Variants in RNF8 observed in about 807,000 individuals in gnomAD.
RNF8 encodes ring finger protein 8, also known as E3 ubiquitin-protein ligase RNF8.
RNF8 carries 8 observed loss-of-function variants against 59.3 expected under a neutral mutation model. That is an observed-to-expected ratio of 0.13 (90% CI 0.08 to 0.24). RNF8 has a LOEUF of 0.24. Among genes scored for constraint, RNF8 ranks in the 10% least tolerant of loss-of-function variants. The pLI is 1.00. For synonymous variants in RNF8, 162 were observed against 200.0 expected, an observed-to-expected ratio of 0.81 and a Z score of 1.60; for missense variants, 406 against 572.6, an observed-to-expected ratio of 0.71 and a Z score of 2.97.
intron 2 of RNF8, among the ~76,000 whole-genome samples, chr6:37,364,042 G>A (rs1055621153): frequency 6.6e-6 from 1 of 152,052 alleles, no homozygotes; most frequent in South Asian, 2.1e-4. Context: ...AGCCAGGCGT[G>A]GTGGCGGGTG....
chr6:37,364,718 A>G (rs566665968), intron 2 of RNF8, among the ~76,000 whole-genome samples: 1 of 152,272 alleles, frequency 6.6e-6, no homozygotes, highest in East Asian at 1.9e-4. Flanking sequence ...GATTAATGAA[A>G]GCTTATGTTC....
intron 7 of RNF8, among the ~76,000 whole-genome samples, chr6:37,382,942 C>A (rs543659260): frequency 6.7e-6 from 1 of 150,260 alleles, no homozygotes; most frequent in South Asian, 2.1e-4. Flanking sequence ...CACTGCACTC[C>A]AGCCTGGATG....
At chr6:37,381,888 C>G in intron 7 of RNF8, among the ~76,000 whole-genome samples, 1 of 152,114 alleles carries the variant, frequency 6.6e-6, no homozygotes, top group East Asian at 1.9e-4. Flanking sequence ...CTCTTATGCC[C>G]AAGGAAGACA....
chr6:37,374,887 T>C (rs1210927880), intron 5 of RNF8, among the ~76,000 whole-genome samples, 178 bp downstream of exon 5: 1 of 152,226 alleles, frequency 6.6e-6, no homozygotes, highest in African/African-American at 2.4e-5. Flanking sequence ...AGACAACATC[T>C]ATTTCCTTCC....
At chr6:37,386,672 A>G (rs374669559) in intron 7 of RNF8, among the ~76,000 whole-genome samples, 9 of 152,278 alleles carry the variant, frequency 5.9e-5, no homozygotes, top group African/African-American at 2.2e-4. Flanking sequence ...TGAAAGTGAA[A>G]ATCAGTGGTT....
chr6:37,376,108 A>T (rs1263190436), intron 5 of RNF8, among the ~76,000 whole-genome samples: 1 of 152,246 alleles, frequency 6.6e-6, no homozygotes, highest in African/African-American at 2.4e-5. Context: ...CAGCAACTTT[A>T]TAACTAATTC....
At chr6:37,354,313 G>T in intron 1 of RNF8, 38 bp downstream of exon 1, 1 of 1,475,910 alleles carries the variant, frequency 6.8e-7, no homozygotes, top group Non-Finnish European at 9.1e-7. Flanking sequence ...GAGGGCAGGG[G>T]CTGGAGGGAG....
At chr6:37,367,064 G>A (rs57216495) in intron 2 of RNF8, among the ~76,000 whole-genome samples, 6,044 of 152,180 alleles carry the variant, frequency 0.04, 329 homozygotes, top group African/African-American at 0.12. Flanking sequence ...TTTACCTTGC[G>A]TGACATTGAG....
chr6:37,369,115 A>G lies in RNF8; in HGVS notation c.872A>G (p.Glu291Gly), dbSNP rs1292175380. The change falls in exon 3 of 8, where the codon GAA becomes GGA. Residue 291 changes from glutamate (E) to glycine (G), a missense_variant. By Grantham distance (98) the Glu-to-Gly change is moderately conservative (BLOSUM62 -2). Transcript: ENST00000373479. ...NSKKVVQMEQ[E>G]LQDLQSQLCA... ...AAGAAAGTTGTGCAAATGGAGCAGG[A>G]ACTTCAGGACTTACAGTCCCAGCTG... The G allele has an allele frequency of 6.2e-7, 1 of 1,614,128 alleles. No homozygotes were observed. Among genetic ancestry groups the G allele is most frequent in the East Asian group, 2.2e-5 (1 of 44,906 alleles).
rs1346713227 is a variant in RNF8 at position 37,360,579 on chromosome 6, A to G, written c.240+5A>G. On this transcript the variant is annotated splice_donor_5th_base_variant and intron_variant, in intron 2 of 7. Coordinates refer to ENST00000373479, the MANE Select transcript of RNF8 (RefSeq NM_003958.4). The surrounding 1 kb of genome is among the most constrained non-coding windows in gnomAD (Gnocchi z 4.2). Reference sequence around the variant, plus strand: ...TGGACAATTATGGACAACAAGGTACAGGAATTCACAGAAGCCTAATGACTT... The same window carrying G: ...TGGACAATTATGGACAACAAGGTACGGGAATTCACAGAAGCCTAATGACTT... The G allele has an allele frequency of 1.2e-6, 2 of 1,610,778 alleles. No homozygotes were observed. The highest frequency in any genetic ancestry group is 1.7e-6 in the Non-Finnish European group (2 of 1,177,914).
At chr6:37,371,476 T>G in intron 3 of RNF8, 36 bp from the exon 4 acceptor site, 2 of 1,595,700 alleles carry the variant, frequency 1.3e-6, no homozygotes, top group Non-Finnish European at 1.7e-6. Flanking sequence ...TTCTTTTCCC[T>G]GCAGAGAAAC....
chr6:37,364,388 T>C (rs1051169193), intron 2 of RNF8, among the ~76,000 whole-genome samples: 2 of 152,146 alleles, frequency 1.3e-5, no homozygotes, highest in Non-Finnish European at 2.9e-5. Flanking sequence ...GTTTGTTTTG[T>C]TTTTGACCTT....
Position 37,366,587 on chromosome 6 carries a change from A to C in RNF8, c.241-1897A>C, listed in dbSNP as rs148790173. The stretch of plus-strand genomic sequence containing the variant: ...CTTTCCGTGTAAACCAAGTAATGGA[A>C]GATAAAACTGGAAACAAGGGCCTAA... On this transcript the variant is annotated intron_variant, in intron 2 of 7. Coordinates refer to ENST00000373479, the MANE Select transcript of RNF8 (RefSeq NM_003958.4). Among the ~76,000 whole-genome samples, 148 of 152,354 alleles carry C rather than the reference A, an allele frequency of 9.7e-4. 2 individuals are homozygous for C. Among genetic ancestry groups the C allele is most frequent in the African/African-American group, 3.3e-3 (139 of 41,580 alleles).
chr6:37,386,802 C>T (rs1770522891), intron 7 of RNF8, among the ~76,000 whole-genome samples: 1 of 152,188 alleles, frequency 6.6e-6, no homozygotes, highest in Admixed American at 6.5e-5. Context: ...CAGTTCTGGC[C>T]ATCTCTGGTG....
At chr6:37,356,064 G>T (rs1213937777) in intron 1 of RNF8, among the ~76,000 whole-genome samples, 1 of 152,204 alleles carries the variant, frequency 6.6e-6, no homozygotes, top group Non-Finnish European at 1.5e-5. Context: ...GTCTTGGGCA[G>T]GTGGGATGGG....
chr6:37,358,100 A>AAG (rs1397183495), intron 1 of RNF8, among the ~76,000 whole-genome samples: 1 of 152,230 alleles, frequency 6.6e-6, no homozygotes, highest in African/African-American at 2.4e-5. Context: ...GAGCCTGTGC[A>AAG]AGATCTGAGA....
In RNF8 at chr6:37,368,699, T is replaced by C; in HGVS notation, c.456T>C (p.Thr152=). 1 of 1,613,940 alleles carries C rather than the reference T, an allele frequency of 6.2e-7. No homozygotes were observed. The highest frequency in any genetic ancestry group is 8.5e-7 in the Non-Finnish European group (1 of 1,179,990). The change falls in exon 3 of 8, where the codon ACT becomes ACC. Residue 152 remains threonine (T), a synonymous_variant. Coordinates refer to ENST00000373479, the MANE Select transcript of RNF8 (RefSeq NM_003958.4). ...TAGAAAAAAATAAGGAATTGAGAAC[T>C]AAAAGGAAATTCAGTTTGGATGAAT... ...QMIEKNKELR[T]KRKFSLDELA... is the part of the protein sequence containing the mutation.
At chr6:37,358,179 G>A (rs1769188832) in intron 1 of RNF8, among the ~76,000 whole-genome samples, 1 of 152,124 alleles carries the variant, frequency 6.6e-6, no homozygotes, top group African/African-American at 2.4e-5. Context: ...GGGGAGATGG[G>A]CTTAAGGAAC....
intron 6 of RNF8, among the ~76,000 whole-genome samples, chr6:37,380,727 G>A (rs1273841739): frequency 6.6e-6 from 1 of 151,374 alleles, no homozygotes; most frequent in Non-Finnish European, 1.5e-5. Flanking sequence ...CTGTCACCCT[G>A]GCCGGAGTGC....
Sources: allele counts gnomAD v4.1 joint callset (sites outside exome capture counted in the v4.1 genomes callset), GRCh38; gene constraint gnomAD v4.1.1; non-coding constraint Gnocchi (gnomAD v3.1); transcripts MANE v1.5; gene names NCBI Gene and HGNC (gene_info 2026-07-23, HGNC 2026-07-21).